Variants in IGF1R observed in about 807,000 individuals in gnomAD.
IGF1R encodes insulin like growth factor 1 receptor, also known as insulin-like growth factor 1 receptor.
In IGF1R, 44 loss-of-function variants were observed where a neutral mutation model predicts 144.6. The observed-to-expected ratio is 0.30, with a 90% CI of 0.24 to 0.39. IGF1R has a LOEUF of 0.39. Ranked by LOEUF, IGF1R falls within the 10% of genes least tolerant of loss-of-function variation. The pLI is 1.00. For missense variants in IGF1R, 1,355 were observed against 1,833.7 expected, an observed-to-expected ratio of 0.74 and a Z score of 4.77; for synonymous variants, 795 against 722.8, an observed-to-expected ratio of 1.10 and a Z score of -1.60.
At chr15:98,926,408 T>A (rs1311328316) in intron 13 of IGF1R, among the ~76,000 whole-genome samples, 1 of 124,430 alleles carries the variant, frequency 8.0e-6, no homozygotes, top group Non-Finnish European at 1.8e-5. Context: ...ATGATGACAG[T>A]AATAATGATG....
At chr15:98,870,740 C>A (rs938215956) in intron 2 of IGF1R, among the ~76,000 whole-genome samples, 2 of 152,170 alleles carry the variant, frequency 1.3e-5, no homozygotes, top group African/African-American at 2.4e-5. Context: ...TTACAGAAAT[C>A]TTTGCCAAAT....
At chr15:98,930,723 G>A (rs567335465) in intron 15 of IGF1R, among the ~76,000 whole-genome samples, 42 of 152,142 alleles carry the variant, frequency 2.8e-4, no homozygotes, top group Non-Finnish European at 5.7e-4. Context: ...TGTCTTTGAT[G>A]AATTACAGCT....
At chr15:98,679,482 A>G (rs1483224318) in intron 1 of IGF1R, among the ~76,000 whole-genome samples, 4 of 152,190 alleles carry the variant, frequency 2.6e-5, no homozygotes, top group Admixed American at 6.5e-5. Context: ...TGAGATTATA[A>G]TGGGGCTGAA....
intron 1 of IGF1R, among the ~76,000 whole-genome samples, chr15:98,657,235 T>C (rs538389910): frequency 1.3e-5 from 2 of 152,204 alleles, no homozygotes; most frequent in African/African-American, 4.8e-5. Flanking sequence ...GATGAATTTA[T>C]TTGTAGGAGT....
intron 8 of IGF1R, among the ~76,000 whole-genome samples, 169 bp downstream of exon 8, chr15:98,913,451 C>G (rs908600761): frequency 2.0e-5 from 3 of 152,212 alleles, no homozygotes; most frequent in Admixed American, 6.5e-5. Context: ...ACATTAGGCT[C>G]TTCTGTGCCA....
At chr15:98,731,073 C>T (rs986082761) in intron 2 of IGF1R, among the ~76,000 whole-genome samples, 1 of 152,200 alleles carries the variant, frequency 6.6e-6, no homozygotes, top group African/African-American at 2.4e-5. Context: ...ATAACTTGGT[C>T]TGTTCTAAAA....
At chr15:98,948,483 T>C in intron 19 of IGF1R, 91 bp from the exon 20 acceptor site, 1 of 1,377,242 alleles carries the variant, frequency 7.3e-7, no homozygotes, top group East Asian at 2.3e-5. Context: ...ACAGTTTATC[T>C]GCTCGGGATG....
intron 19 of IGF1R, among the ~76,000 whole-genome samples, chr15:98,947,415 A>T (rs1400457164): frequency 6.6e-6 from 1 of 152,174 alleles, no homozygotes; most frequent in Non-Finnish European, 1.5e-5. Context: ...AGGTTTTTCC[A>T]TGTGGCTTGA....
At chr15:98,887,993 T>C (rs1393817935) in intron 2 of IGF1R, among the ~76,000 whole-genome samples, 1 of 152,258 alleles carries the variant, frequency 6.6e-6, no homozygotes, top group African/African-American at 2.4e-5. Context: ...GTCCCTGGCC[T>C]TCTTCAGTAA....
At chr15:98,910,362 C>T (rs1567192814) in intron 6 of IGF1R, among the ~76,000 whole-genome samples, 1 of 152,182 alleles carries the variant, frequency 6.6e-6, no homozygotes. Context: ...CTTTTGAAAG[C>T]AAAATCATGG....
At chr15:98,890,125 A>G (rs917014693) in intron 2 of IGF1R, among the ~76,000 whole-genome samples, 10 of 152,186 alleles carry the variant, frequency 6.6e-5, no homozygotes, top group African/African-American at 1.4e-4. Flanking sequence ...CTAATATCCT[A>G]TGGTTCTGTG....
At chr15:98,955,673 A>G (rs557687369) in intron 20 of IGF1R, among the ~76,000 whole-genome samples, 10 of 152,256 alleles carry the variant, frequency 6.6e-5, no homozygotes, top group African/African-American at 2.4e-4. Flanking sequence ...GGAAGCTGCC[A>G]GGTGGCCATA....
intron 20 of IGF1R, among the ~76,000 whole-genome samples, chr15:98,953,490 C>T (rs142245363): frequency 4.6e-5 from 7 of 152,296 alleles, no homozygotes; most frequent in East Asian, 1.9e-4. Context: ...CCTCTGGGTG[C>T]GTGCTGACCC....
At chr15:98,934,591 T>C (rs2016071769) in intron 15 of IGF1R, among the ~76,000 whole-genome samples, 1 of 152,240 alleles carries the variant, frequency 6.6e-6, no homozygotes, top group African/African-American at 2.4e-5. Context: ...GTTAGTATCC[T>C]CAAATTATCT....
chr15:98,951,787 C>G (rs895547759), intron 20 of IGF1R, among the ~76,000 whole-genome samples: 10 of 152,196 alleles, frequency 6.6e-5, no homozygotes, highest in African/African-American at 2.4e-4. Flanking sequence ...GTTCGGCACA[C>G]TCTTTCTCTA....
chr15:98,690,864 A>G (rs1340689643), intron 1 of IGF1R, among the ~76,000 whole-genome samples: 1 of 152,234 alleles, frequency 6.6e-6, no homozygotes, highest in Admixed American at 6.5e-5. Context: ...GGCAGAAGCA[A>G]GCCACAGAGC....
At chr15:98,739,906 A>G (rs2054699748) in intron 2 of IGF1R, among the ~76,000 whole-genome samples, 1 of 152,206 alleles carries the variant, frequency 6.6e-6, no homozygotes, top group African/African-American at 2.4e-5. Flanking sequence ...GTAAGAAAAT[A>G]TTAAACTTAG....
At chr15:98,661,354 C>T (rs1236777821) in intron 1 of IGF1R, among the ~76,000 whole-genome samples, 1 of 152,174 alleles carries the variant, frequency 6.6e-6, no homozygotes, top group African/African-American at 2.4e-5. Flanking sequence ...AGAAAGCTTA[C>T]TTGTCTAGGT....
rs554990689 is a variant in IGF1R at position 98,815,984 on chromosome 15, A to T, written c.641-75341A>T. Among the ~76,000 whole-genome samples, 358 of 152,278 alleles carry T rather than the reference A, an allele frequency of 2.4e-3. 1 individual carries two copies. The highest frequency in any genetic ancestry group is 4.4e-3 in the Non-Finnish European group (299 of 68,020). ...GCATTCCTTCTCCTTCCCTGTGTTCATTTCTGAAGCTCAACAGTCTTCCAT... is the reference window on the plus strand; with the variant it reads ...GCATTCCTTCTCCTTCCCTGTGTTCTTTTCTGAAGCTCAACAGTCTTCCAT... On this transcript the variant is annotated intron_variant, in intron 2 of 20. Transcript: ENST00000650285.
Sources: allele counts gnomAD v4.1 joint callset (sites outside exome capture counted in the v4.1 genomes callset), GRCh38; gene constraint gnomAD v4.1.1; transcripts MANE v1.5; gene names NCBI Gene and HGNC (gene_info 2026-07-23, HGNC 2026-07-21).